COL8A1: variants seen among roughly 807,000 people sequenced by gnomAD.
COL8A1 encodes collagen alpha-1(VIII) chain.
Under a neutral mutation model 42.7 loss-of-function variants are expected in COL8A1, and 21 were observed. The observed-to-expected ratio is 0.49, with a 90% CI of 0.35 to 0.71. The LOEUF (loss-of-function observed/expected upper bound fraction) is 0.71, where lower values mean the gene tolerates loss of function less well. COL8A1 is among the 30% of genes least tolerant of loss of function. COL8A1 has a pLI of 0.01. For synonymous variants in COL8A1, 367 were observed against 369.1 expected (o/e 0.99, Z 0.06); for missense variants, 788 against 962.4 (o/e 0.82, Z 2.40).
chr3:99,662,337 A>C (rs1300582129), intron 1 of COL8A1, among the ~76,000 whole-genome samples: 1 of 151,306 alleles, frequency 6.6e-6, no homozygotes, highest in South Asian at 2.1e-4. Context: ...AGCCGACATC[A>C]CGCCACTGCA....
intron 1 of COL8A1, among the ~76,000 whole-genome samples, chr3:99,711,986 A>T (rs187175091): frequency 5.9e-5 from 9 of 152,266 alleles, no homozygotes; most frequent in Non-Finnish European, 1.5e-5. Context: ...CCACTAATAA[A>T]AATACTTGAG....
chr3:99,771,100 G>A (rs1375646540), intron 2 of COL8A1, among the ~76,000 whole-genome samples: 2 of 152,192 alleles, frequency 1.3e-5, no homozygotes, highest in Non-Finnish European at 2.9e-5. Context: ...AAAGAACAGA[G>A]AGAAGGTCAG....
intron 2 of COL8A1, among the ~76,000 whole-genome samples, chr3:99,769,917 C>CA (rs1342609335): frequency 2.7e-5 from 4 of 150,654 alleles, no homozygotes; most frequent in Non-Finnish European, 3.0e-5. Flanking sequence ...AGATTCCATC[C>CA]AAAAAAAAAT....
rs555255171 is a variant in COL8A1, at chr3:99,689,656, C to T, written c.-129+50992C>T. On this transcript the variant is annotated intron_variant, in intron 1 of 3. Transcript: ENST00000652472. ...AGCAATATGTAATTCTTCTACAACACATTAAATTAAATATATGGCTATAAA... is the reference window on the plus strand; with the variant it reads ...AGCAATATGTAATTCTTCTACAACATATTAAATTAAATATATGGCTATAAA... 3.3e-5 allele frequency among the ~76,000 whole-genome samples: 5 copies of T among 152,304 alleles called. No individual in the cohort carries two copies. In the East Asian group the frequency reaches 9.6e-4, roughly 29 times the overall value.
chr3:99,740,647 A>G lies in COL8A1; in HGVS notation c.-128-4250A>G, dbSNP rs138283321. Among the ~76,000 whole-genome samples, 685 of 152,244 alleles carry G rather than the reference A, an allele frequency of 4.5e-3. 4 individuals carry two copies. The highest frequency in any genetic ancestry group is 0.016 in the African/African-American group (646 of 41,548). ...CCTCCCACTGGGTACCTCCCACAAC[A>G]TGTGGGGATTATGGAAACTACAATT... On this transcript the variant is annotated intron_variant, in intron 1 of 3. Coordinates refer to ENST00000652472, the MANE Select transcript of COL8A1 (RefSeq NM_020351.4).
At chr3:99,703,486 G>T (rs1365186079) in intron 1 of COL8A1, 4 of 152,202 alleles carry the variant, frequency 2.6e-5, no homozygotes, top group Non-Finnish European at 2.9e-5. Flanking sequence ...GAGATCACTA[G>T]GGGTTGTCCT....
chr3:99,676,444 C>CA (rs1938700242), intron 1 of COL8A1, among the ~76,000 whole-genome samples: 1 of 151,782 alleles, frequency 6.6e-6, no homozygotes, highest in African/African-American at 2.4e-5. Flanking sequence ...GTTTAGGATT[C>CA]AAAAATCAAT....
chr3:99,721,937 C>T (rs73152013), intron 1 of COL8A1, among the ~76,000 whole-genome samples: 26,717 of 151,236 alleles, frequency 0.18, 2,468 homozygotes, highest in South Asian at 0.23. Context: ...CCCTTTTCTG[C>T]TTAATTCAAA....
chr3:99,655,303 G>A (rs566332725), intron 1 of COL8A1, among the ~76,000 whole-genome samples: 7 of 152,242 alleles, frequency 4.6e-5, no homozygotes, highest in South Asian at 4.1e-4. Flanking sequence ...TAGCAAGTCA[G>A]CTACCTAATA....
chr3:99,677,298 A>T (rs1938728529), intron 1 of COL8A1, among the ~76,000 whole-genome samples: 1 of 152,122 alleles, frequency 6.6e-6, no homozygotes, highest in Non-Finnish European at 1.5e-5. Flanking sequence ...ACTCATTTTT[A>T]ATAATCCAGT....
chr3:99,643,397 C>T (rs1937550288), intron 1 of COL8A1, among the ~76,000 whole-genome samples: 1 of 152,128 alleles, frequency 6.6e-6, no homozygotes, highest in African/African-American at 2.4e-5. Flanking sequence ...TTAACCAGCC[C>T]AGGATATGGT....
At chr3:99,793,791 ACCCAGG>A (rs1432885788) in intron 3 of COL8A1, among the ~76,000 whole-genome samples, 1 of 152,014 alleles carries the variant, frequency 6.6e-6, no homozygotes, top group Non-Finnish European at 1.5e-5. Context: ...TCGCTCTTTC[ACCCAGG>A]CTGGAGTGCA....
intron 2 of COL8A1, among the ~76,000 whole-genome samples, chr3:99,770,650 A>G (rs1941561378): frequency 6.6e-6 from 1 of 152,204 alleles, no homozygotes; most frequent in Admixed American, 6.5e-5. Flanking sequence ...ATACATATAT[A>G]CTCACAAGAC....
chr3:99,710,351 T>C (rs1939799947), intron 1 of COL8A1, among the ~76,000 whole-genome samples: 1 of 151,950 alleles, frequency 6.6e-6, no homozygotes, highest in Admixed American at 6.6e-5. Context: ...GCATAGAAAA[T>C]AAGCCCACTC....
At chr3:99,703,075 C>T (rs1939585207) in intron 1 of COL8A1, among the ~76,000 whole-genome samples, 1 of 152,152 alleles carries the variant, frequency 6.6e-6, no homozygotes, top group Admixed American at 6.5e-5. Context: ...AAGAGGAATC[C>T]TCAATATGCA....
intron 1 of COL8A1, among the ~76,000 whole-genome samples, chr3:99,725,229 C>T (rs1380264930): frequency 1.3e-5 from 2 of 151,856 alleles, no homozygotes; most frequent in Admixed American, 6.6e-5. Context: ...GGATTCTCAC[C>T]GAACTCTCCC....
chr3:99,703,886 C>T (rs1352425791), intron 1 of COL8A1, among the ~76,000 whole-genome samples: 1 of 152,120 alleles, frequency 6.6e-6, no homozygotes, highest in African/African-American at 2.4e-5. Flanking sequence ...AGAAATTCTC[C>T]ACAGTGGATA....
chr3:99,726,655 T>A (rs1940337945), intron 1 of COL8A1, among the ~76,000 whole-genome samples: 1 of 152,158 alleles, frequency 6.6e-6, no homozygotes, highest in African/African-American at 2.4e-5. Context: ...CCAGCACCAT[T>A]TATTAAATAG....
At chr3:99,698,251 A>C (rs1939437093) in intron 1 of COL8A1, among the ~76,000 whole-genome samples, 1 of 152,228 alleles carries the variant, frequency 6.6e-6, no homozygotes. Context: ...AGTCTTTGCT[A>C]TAGTGAATGG....
Sources: allele counts gnomAD v4.1 joint callset (sites outside exome capture counted in the v4.1 genomes callset), GRCh38; gene constraint gnomAD v4.1.1; transcripts MANE v1.5; gene names NCBI Gene and HGNC (gene_info 2026-07-23, HGNC 2026-07-21).